Variants in STT3B observed in about 807,000 individuals in gnomAD.
STT3B encodes dolichyl-diphosphooligosaccharide--protein glycosyltransferase subunit STT3B.
Under a neutral mutation model 96.8 loss-of-function variants are expected in STT3B, and 29 were observed. That is an observed-to-expected ratio of 0.30 (90% confidence interval 0.22 to 0.41). STT3B has a LOEUF of 0.41. Ranked by LOEUF, STT3B falls within the 10% of genes least tolerant of loss-of-function variation. The pLI, the probability that STT3B is intolerant of heterozygous loss-of-function variation, is 1.00. For missense variants in STT3B, 640 were observed against 1,022.3 expected (o/e 0.63, Z 5.10); for synonymous variants, 367 against 360.0 (o/e 1.02, Z -0.22).
At chr3:31,573,891 A>T (rs908810360) in intron 1 of STT3B, among the ~76,000 whole-genome samples, 6 of 152,142 alleles carry the variant, frequency 3.9e-5, no homozygotes, top group Non-Finnish European at 8.8e-5. Context: ...CTATACAGAA[A>T]ACAGAGAAGA....
intron 5 of STT3B, among the ~76,000 whole-genome samples, chr3:31,603,440 T>C (rs1559382621): frequency 6.6e-6 from 1 of 151,882 alleles, no homozygotes; most frequent in African/African-American, 2.4e-5. Flanking sequence ...GGAGGAAAAA[T>C]TTAATTTTCT....
chr3:31,618,521 A>G (rs958183275), intron 8 of STT3B, among the ~76,000 whole-genome samples: 11 of 151,956 alleles, frequency 7.2e-5, no homozygotes, highest in African/African-American at 2.4e-4. Flanking sequence ...GACTAGTTCA[A>G]TAAAACTTTT....
rs541599812 is a variant in STT3B, at chr3:31,569,206, GTTC to G, written c.315-7188_315-7186del. ...AAACTTTTTTTTCTTTCCCCAAGCT[GTTC>G]TCGAACTCCTGGGCTCAAGCAATCC... On this transcript the variant is annotated intron_variant, in intron 1 of 15. Coordinates refer to ENST00000295770, the MANE Select transcript of STT3B (RefSeq NM_178862.3). Among the ~76,000 whole-genome samples, 596 of 152,036 alleles carry G rather than the reference GTTC, an allele frequency of 3.9e-3. 3 individuals carry two copies. Among genetic ancestry groups the G allele is most frequent in the African/African-American group, 0.014 (576 of 41,470 alleles).
intron 15 of STT3B, among the ~76,000 whole-genome samples, chr3:31,635,738 GA>G (rs1699743659): frequency 6.6e-6 from 1 of 152,166 alleles, no homozygotes; most frequent in African/African-American, 2.4e-5. Flanking sequence ...GAGGGCTGAA[GA>G]TTCATTCACT....
chr3:31,558,435 CTT>C (rs1045939338), intron 1 of STT3B, among the ~76,000 whole-genome samples: 7 of 152,064 alleles, frequency 4.6e-5, no homozygotes, highest in Admixed American at 1.3e-4. Context: ...ATGTTTTCTC[CTT>C]ATTGAGATGA....
In STT3B at chr3:31,547,210, A is replaced by G. The variant is rs367661525; in HGVS notation, c.314+13898A>G. Among the ~76,000 whole-genome samples, 95 of 151,980 alleles carry G rather than the reference A, an allele frequency of 6.3e-4. 1 individual carries two copies. Among genetic ancestry groups the G allele is most frequent in the Non-Finnish European group, 1.2e-3 (80 of 67,948 alleles). ...TCTTATCTGCCCTCCTTATTCCTCA[A>G]TTTTTTTTCCCTAAATTATTCGTTT... is the stretch of plus-strand genomic sequence containing the variant. On this transcript the variant is annotated intron_variant, in intron 1 of 15. Coordinates refer to ENST00000295770, the MANE Select transcript of STT3B (RefSeq NM_178862.3).
chr3:31,558,698 T>C (rs1448680964), intron 1 of STT3B, among the ~76,000 whole-genome samples: 4 of 152,070 alleles, frequency 2.6e-5, no homozygotes, highest in African/African-American at 9.7e-5. Flanking sequence ...TAAGGAGAAT[T>C]CCCTCCCCTT....
At chr3:31,632,867 C>A in intron 14 of STT3B, 68 bp from the exon 15 acceptor site, 1 of 1,354,254 alleles carries the variant, frequency 7.4e-7, no homozygotes. Context: ...AATGATAACA[C>A]TTACTGTCTT....
chr3:31,593,322 A>G (rs1034868373), intron 3 of STT3B, among the ~76,000 whole-genome samples: 1 of 152,038 alleles, frequency 6.6e-6, no homozygotes, highest in African/African-American at 2.4e-5. Context: ...ATGCAAAGTC[A>G]ATCATATCGT....
intron 1 of STT3B, among the ~76,000 whole-genome samples, chr3:31,549,833 G>T (rs1006208121): frequency 1.3e-5 from 2 of 152,042 alleles, no homozygotes; most frequent in Non-Finnish European, 2.9e-5. Context: ...TTGTGCGTGC[G>T]TTATATAAAG....
chr3:31,574,379 C>T (rs1038789500), intron 1 of STT3B, among the ~76,000 whole-genome samples: 8 of 152,054 alleles, frequency 5.3e-5, no homozygotes, highest in Admixed American at 1.3e-4. Flanking sequence ...AATTTAGACC[C>T]TTGATGCTTA....
intron 1 of STT3B, among the ~76,000 whole-genome samples, chr3:31,543,065 C>CAAA (rs1412737043): frequency 6.5e-5 from 1 of 15,486 alleles, no homozygotes. Flanking sequence ...GACTCCATCT[C>CAAA]ACAAAAAAAA....
intron 1 of STT3B, among the ~76,000 whole-genome samples, chr3:31,568,874 A>G (rs1227080235): frequency 6.6e-6 from 1 of 152,184 alleles, no homozygotes; most frequent in Non-Finnish European, 1.5e-5. Context: ...TTTTATTTGT[A>G]AAAGCCCTGG....
At chr3:31,618,228 C>T (rs533124689) in intron 8 of STT3B, among the ~76,000 whole-genome samples, 29 of 151,928 alleles carry the variant, frequency 1.9e-4, no homozygotes, top group African/African-American at 6.3e-4. Context: ...TCCTTGTTTC[C>T]GTTTTGTTTG....
intron 5 of STT3B, among the ~76,000 whole-genome samples, chr3:31,612,656 A>G (rs936862000): frequency 6.6e-6 from 1 of 152,196 alleles, no homozygotes; most frequent in African/African-American, 2.4e-5. Flanking sequence ...CTACTTTACT[A>G]ATGATAGTAA....
chr3:31,551,541 C>T (rs1028357551), intron 1 of STT3B, among the ~76,000 whole-genome samples: 9 of 152,250 alleles, frequency 5.9e-5, no homozygotes, highest in African/African-American at 7.2e-5. Flanking sequence ...TTTATGCTTA[C>T]GTTAGCATCC....
chr3:31,631,170 AG>A (rs1699648921), intron 14 of STT3B, among the ~76,000 whole-genome samples: 1 of 152,190 alleles, frequency 6.6e-6, no homozygotes, highest in African/African-American at 2.4e-5. Flanking sequence ...CAGAATAGTT[AG>A]CATATACTGT....
chr3:31,537,584 G>C (rs1002496558), intron 1 of STT3B, among the ~76,000 whole-genome samples: 1 of 152,154 alleles, frequency 6.6e-6, no homozygotes, highest in African/African-American at 2.4e-5. Context: ...GGTAGTTAGG[G>C]TCTGTCATGA....
intron 1 of STT3B, among the ~76,000 whole-genome samples, chr3:31,552,841 C>A (rs1433382630): frequency 6.6e-6 from 1 of 152,046 alleles, no homozygotes; most frequent in African/African-American, 2.4e-5. Context: ...CGGTGGCTCA[C>A]GCCTGTAATC....
Sources: gnomAD v4.1 joint callset for allele counts (sites outside exome capture counted in the v4.1 genomes callset) on GRCh38, gnomAD v4.1.1 for gene constraint, MANE v1.5 for transcripts, NCBI Gene and HGNC (gene_info 2026-07-23, HGNC 2026-07-21) for gene names.